Variants in WIPI2 observed in about 807,000 individuals in gnomAD.
WIPI2 encodes WD repeat domain phosphoinositide-interacting protein 2.
Under a neutral mutation model 52.3 loss-of-function variants are expected in WIPI2, and 28 were observed. That is an observed-to-expected ratio of 0.54 (90% CI 0.40 to 0.73). WIPI2 has a LOEUF of 0.73. Ranked by LOEUF, WIPI2 falls within the 30% of genes least tolerant of loss-of-function variation. WIPI2 has a pLI of 0.00. For missense variants in WIPI2, 506 were observed against 602.9 expected (o/e 0.84, Z 1.68); for synonymous variants, 268 against 245.0 (o/e 1.09, Z -0.88).
chr7:5,221,346 A>G (rs1459807715), intron 7 of WIPI2, among the ~76,000 whole-genome samples: 1 of 152,114 alleles, frequency 6.6e-6, no homozygotes, highest in Non-Finnish European at 1.5e-5. Context: ...TCACCTCAGG[A>G]GATCTGCCCA....
At position 5,229,717 on chromosome 7, in the gene WIPI2, C is replaced by T. The variant is rs562963235; in HGVS notation, c.1231C>T (p.Pro411Ser). The T allele has an allele frequency of 2.4e-5, 39 of 1,613,848 alleles. No homozygotes were observed. The South Asian group carries it at 3.4e-4, about 14-fold the overall frequency. ...GAAAGKGTYV[P>S]SSPTRLAYTD... ...AGCTGCAGGAAAAGGTACTTACGTG[C>T]CTTCATCCCCAACGAGACTTGGTAA... Residue 411 changes from proline (P) to serine (S), a missense_variant, in exon 12 of 13, where the codon CCT becomes TCT. Pro to Ser is a moderately conservative substitution (Grantham distance 74). Transcript: ENST00000288828.
chr7:5,222,569 C>G, intron 7 of WIPI2, 33 bp from the exon 8 acceptor site: 1 of 1,602,302 alleles, frequency 6.2e-7, no homozygotes, highest in Non-Finnish European at 8.5e-7. Flanking sequence ...TTTAACTCAG[C>G]TCAAATTCTT....
chr7:5,217,790 T>C (rs1782895870), intron 6 of WIPI2, 132 bp from the exon 7 acceptor site: 4 of 814,746 alleles, frequency 4.9e-6, no homozygotes, highest in East Asian at 4.9e-5. Flanking sequence ...GTAAATCAAG[T>C]GGGTTTGGCA....
At chr7:5,220,252 T>C (rs1783044000) in intron 7 of WIPI2, among the ~76,000 whole-genome samples, 1 of 151,782 alleles carries the variant, frequency 6.6e-6, no homozygotes, top group African/African-American at 2.4e-5. Flanking sequence ...GCTTTTTTTT[T>C]TTTTTTGAAA....
rs539783941 is a variant in WIPI2 at position 5,214,040 on chromosome 7, C to T, written c.212-495C>T. ...GCGTTTTGTGACATGAGTGTAATAG[C>T]GACATCTTTTTAATAAATATGTGTC... On this transcript the variant is annotated intron_variant, in intron 3 of 12. Coordinates refer to ENST00000288828, the MANE Select transcript of WIPI2 (RefSeq NM_015610.4). The T allele has an allele frequency of 2.4e-4, 55 of 231,952 alleles. 2 individuals are homozygous for T. In the South Asian group the frequency reaches 2.5e-3, roughly 11 times the overall value. 14.4% of individuals were successfully genotyped at this position (231,952 alleles called of 1,614,324 possible). A position where few individuals can be genotyped will look rare whatever the true frequency, so the allele number is the denominator to read the frequency against.
Position 5,232,622 on chromosome 7 carries a change from G to A in WIPI2, c.*1675G>A, listed in dbSNP as rs377737191. The A allele has an allele frequency of 3.5e-6, 1 of 286,582 alleles. No individual in the cohort carries two copies. The allele number at this position is 286,582 out of a possible 1,614,324, so 17.8% of individuals were successfully genotyped here. A position where few individuals can be genotyped will look rare whatever the true frequency, so the allele number is the denominator to read the frequency against. On this transcript the variant is annotated 3_prime_UTR_variant, in exon 13 of 13. Coordinates refer to ENST00000288828, the MANE Select transcript of WIPI2 (RefSeq NM_015610.4). ...CTTGAGCAGGGATGAGAAGGGCCGC[G>A]GCAGCACGCAGCCTTGACCCACGCC...
intron 7 of WIPI2, among the ~76,000 whole-genome samples, chr7:5,219,456 T>G (rs1470024427): frequency 4.0e-5 from 6 of 151,880 alleles, no homozygotes; most frequent in Non-Finnish European, 8.8e-5. Context: ...AAAATAGATT[T>G]TTTTTTTTCT....
intron 2 of WIPI2, among the ~76,000 whole-genome samples, chr7:5,198,171 G>GT (rs1781843632): frequency 6.6e-6 from 1 of 152,128 alleles, no homozygotes; most frequent in Non-Finnish European, 1.5e-5. Context: ...TTTGGAGTCC[G>GT]TTTCGTTTCC....
At chr7:5,209,298 C>T (rs1320563975) in intron 3 of WIPI2, among the ~76,000 whole-genome samples, 1 of 152,082 alleles carries the variant, frequency 6.6e-6, no homozygotes, top group Non-Finnish European at 1.5e-5. Context: ...CTTTTTCTTG[C>T]CTCACTGCAA....
At chr7:5,200,044 C>T (rs954158309) in intron 3 of WIPI2, among the ~76,000 whole-genome samples, 2 of 152,178 alleles carry the variant, frequency 1.3e-5, no homozygotes, top group Admixed American at 6.5e-5. Context: ...TATTTTCCCG[C>T]GTTGGCATTT....
At chr7:5,224,210 C>T (rs1353232324) in intron 8 of WIPI2, among the ~76,000 whole-genome samples, 1 of 152,258 alleles carries the variant, frequency 6.6e-6, no homozygotes, top group African/African-American at 2.4e-5. Flanking sequence ...CTCTTTTATC[C>T]ACCAGGGTCT....
intron 8 of WIPI2, 30 bp downstream of exon 8, chr7:5,222,702 C>T (rs1461504189): frequency 6.3e-7 from 1 of 1,592,586 alleles, no homozygotes; most frequent in East Asian, 2.2e-5. Context: ...AGAATGGATT[C>T]TGGAGGTTGT....
chr7:5,209,013 A>ATTTTTTTT (rs55697377), intron 3 of WIPI2, among the ~76,000 whole-genome samples: 5 of 92,892 alleles, frequency 5.4e-5, no homozygotes, highest in East Asian at 3.1e-4. Flanking sequence ...ATATTCTGTG[A>ATTTTTTTT]TTTTTTTTTT....
intron 3 of WIPI2, among the ~76,000 whole-genome samples, chr7:5,207,358 G>T (rs554976629): frequency 6.6e-6 from 1 of 152,148 alleles, no homozygotes; most frequent in South Asian, 2.1e-4. Flanking sequence ...CCAGTGTTCT[G>T]GTTTTTTTCT....
chr7:5,203,352 G>A lies in WIPI2; in HGVS notation c.211+3694G>A, dbSNP rs180936002. ...TACCTTGCATCCTGGCGGAGCCGCA[G>A]ACACACACGGAAGTGGATTCAAGCA... On this transcript the variant is annotated intron_variant, in intron 3 of 12. Coordinates refer to ENST00000288828, the MANE Select transcript of WIPI2 (RefSeq NM_015610.4). Among the ~76,000 whole-genome samples the A allele has an allele frequency of 4.2e-3, 643 of 152,292 alleles. 13 individuals are homozygous for A. The highest frequency in any genetic ancestry group is 2.7e-3 in the East Asian group (14 of 5,184).
At chr7:5,220,810 T>C (rs1381743051) in intron 7 of WIPI2, among the ~76,000 whole-genome samples, 3 of 151,876 alleles carry the variant, frequency 2.0e-5, no homozygotes, top group Non-Finnish European at 4.4e-5. Flanking sequence ...TCTTTCTTTT[T>C]TTTGAGACAG....
Position 5,190,307 on chromosome 7 carries a change from G to C in WIPI2, c.-113G>C, listed in dbSNP as rs1781409247. On this transcript the variant is annotated 5_prime_UTR_variant, in exon 1 of 13. Transcript: ENST00000288828. ...AGGCGGCGGTTGATCCCAGGGTGGCGAGTGGCGGCGACCGAGGCGGCGAGC... is the reference window on the plus strand; with the variant it reads ...AGGCGGCGGTTGATCCCAGGGTGGCCAGTGGCGGCGACCGAGGCGGCGAGC... 9 of 604,444 alleles carry C rather than the reference G, an allele frequency of 1.5e-5. No homozygotes were observed. The South Asian group carries it at 5.6e-4, about 38-fold the overall frequency. The allele number at this position is 604,444 out of a possible 1,614,324, so 37.4% of individuals were successfully genotyped here. A position where few individuals can be genotyped will look rare whatever the true frequency, so the allele number is the denominator to read the frequency against.
intron 3 of WIPI2, among the ~76,000 whole-genome samples, chr7:5,200,089 G>T (rs967705716): frequency 1.3e-5 from 2 of 152,212 alleles, no homozygotes; most frequent in Non-Finnish European, 2.9e-5. Flanking sequence ...TCGGAGAGGC[G>T]CATGGAACAG....
chr7:5,231,553 C>T lies in WIPI2; in HGVS notation c.*606C>T, dbSNP rs1342153059. Reference sequence around the variant, plus strand: ...GCTCTGGGATTTCTTCCATGGTGGACTTTTGTTTCTGATCTTGTTTTCCCT... The same window carrying T: ...GCTCTGGGATTTCTTCCATGGTGGATTTTTGTTTCTGATCTTGTTTTCCCT... On this transcript the variant is annotated 3_prime_UTR_variant, in exon 13 of 13. Transcript: ENST00000288828. 1 of 152,164 alleles carries T rather than the reference C, an allele frequency of 6.6e-6. No homozygotes were observed. Among genetic ancestry groups the T allele is most frequent in the Non-Finnish European group, 1.5e-5 (1 of 68,074 alleles). The allele number at this position is 152,164 out of a possible 1,614,324, so 9.4% of individuals were successfully genotyped here.
Sources: allele counts gnomAD v4.1 joint callset (sites outside exome capture counted in the v4.1 genomes callset), GRCh38; gene constraint gnomAD v4.1.1; transcripts MANE v1.5; gene names NCBI Gene and HGNC (gene_info 2026-07-23, HGNC 2026-07-21).